SLC38A7: variants seen among roughly 807,000 people sequenced by gnomAD.
SLC38A7 encodes sodium-coupled neutral amino acid transporter 7.
Under a neutral mutation model 50.1 loss-of-function variants are expected in SLC38A7, and 29 were observed. The observed-to-expected ratio is 0.58, with a 90% CI of 0.43 to 0.79. SLC38A7 has a LOEUF of 0.79. Among genes scored for constraint, SLC38A7 ranks in the 30% least tolerant of loss-of-function variants. The pLI is 0.00. For synonymous variants in SLC38A7, 244 were observed against 245.9 expected (o/e 0.99, Z 0.07); for missense variants, 483 against 610.6 (o/e 0.79, Z 2.20).
At position 58,672,153 on chromosome 16, in the gene SLC38A7, C is replaced by T. The variant is rs749319510; in HGVS notation, c.974G>A (p.Arg325Gln). The T allele has an allele frequency of 7.7e-6, 12 of 1,564,046 alleles. No individual in the cohort carries two copies. The highest frequency in any genetic ancestry group is 2.4e-5 in the South Asian group (2 of 84,728). ...GAGCACGCTCAGGATGATGAAGGCTCGGGCAACGGCCACGGCCATGTCCTC... is the reference window on the plus strand; with the variant it reads ...GAGCACGCTCAGGATGATGAAGGCTTGGGCAACGGCCACGGCCATGTCCTC... Reference protein sequence around the residue: ...PSEDMAVAVARAFIILSVLTS... With the variant: ...PSEDMAVAVAQAFIILSVLTS... The change falls in exon 9 of 12, where the codon CGA becomes CAA. Residue 325 changes from arginine to glutamine, a missense_variant. Physicochemically the swap from Arg to Gln is conservative, Grantham distance 43. Transcript: ENST00000219320.
At chr16:58,672,997 G>A (rs114558432) in intron 8 of SLC38A7, among the ~76,000 whole-genome samples, 15,463 of 151,120 alleles carry the variant, frequency 0.1, 2,704 homozygotes, top group African/African-American at 0.36. Flanking sequence ...GCACGATCTC[G>A]GCTCAGTGCA....
At chr16:58,677,473 C>T (rs751447649) in intron 5 of SLC38A7, 49 bp from the exon 6 acceptor site, 2 of 1,528,884 alleles carry the variant, frequency 1.3e-6, no homozygotes, top group Non-Finnish European at 1.8e-6. Context: ...TGCCTCTTAT[C>T]TGATTCCACC....
At chr16:58,672,034 G>A (rs1597666509) in intron 9 of SLC38A7, 62 bp downstream of exon 9, 1 of 942,120 alleles carries the variant, frequency 1.1e-6, no homozygotes, top group Non-Finnish European at 1.4e-6. Flanking sequence ...CAAGGCCAAA[G>A]GACCATGTTG....
At position 58,677,347 on chromosome 16, in the gene SLC38A7, G is replaced by A; in HGVS notation, c.689C>T (p.Thr230Ile). The change falls in exon 6 of 12, where the codon ACC becomes ATC. Residue 230 changes from threonine to isoleucine, a missense_variant. By Grantham distance (89) the Thr-to-Ile change is moderately conservative. Coordinates refer to ENST00000219320, the MANE Select transcript of SLC38A7 (RefSeq NM_018231.3). ...TCACCTGGTCAGGATGTTCCCTGGG[G>A]TCATCTCTTTATCTGGCCAGATGTA... Reference protein sequence around the residue: ...IKYIWPDKEMTPGNILTRPAS... With the variant: ...IKYIWPDKEMIPGNILTRPAS... 6.2e-7 allele frequency: 1 copy of A among 1,614,000 alleles called. No individual in the cohort carries two copies. Among genetic ancestry groups the A allele is most frequent in the Non-Finnish European group, 8.5e-7 (1 of 1,179,946 alleles).
chr16:58,671,948 A>G, intron 9 of SLC38A7, 148 bp downstream of exon 9: 1 of 921,978 alleles, frequency 1.1e-6, no homozygotes, highest in African/African-American at 1.7e-5. Flanking sequence ...CTGGCCTGGG[A>G]TATGTAGGGA....
intron 9 of SLC38A7, 30 bp from the exon 10 acceptor site, chr16:58,671,274 C>T: frequency 1.2e-6 from 2 of 1,601,866 alleles, no homozygotes; most frequent in Non-Finnish European, 1.7e-6. Context: ...CTTAGAGGTG[C>T]CCCTGCTGCT....
intron 8 of SLC38A7, among the ~76,000 whole-genome samples, chr16:58,673,447 G>A (rs990400799): frequency 6.6e-6 from 1 of 151,972 alleles, no homozygotes; most frequent in African/African-American, 2.4e-5. Flanking sequence ...TGTTGGCCAG[G>A]CTGGTCTCGA....
At position 58,666,570 on chromosome 16, in the gene SLC38A7, C is replaced by T. The variant is rs1305413793; in HGVS notation, c.*815G>A. On this transcript the variant is annotated 3_prime_UTR_variant, in exon 12 of 12. Transcript: ENST00000219320. ...TTCTCCATCACCCACCCTGCGGCCT[C>T]TGAAAAGAGGGGCCCATCTCAGACA... 2 of 152,866 alleles carry T rather than the reference C, an allele frequency of 1.3e-5. No homozygotes were observed. The highest frequency in any genetic ancestry group is 2.9e-5 in the Non-Finnish European group (2 of 68,268). 9.5% of individuals were successfully genotyped at this position (152,866 alleles called of 1,614,324 possible).
Position 58,665,579 on chromosome 16 carries a change from G to A in SLC38A7, c.*1806C>T, listed in dbSNP as rs561187769. The A allele has an allele frequency of 8.1e-4, 123 of 152,642 alleles. No individual in the cohort carries two copies. Among genetic ancestry groups the A allele is most frequent in the Non-Finnish European group, 1.2e-3 (81 of 68,338 alleles). The allele number at this position is 152,642 out of a possible 1,614,324, so 9.5% of individuals were successfully genotyped here. ...GACTGCCCTGAGTGGCGGGCGGCTCGGCAGGGGGTCCCTCTCGTACCCTTT... is the reference window on the plus strand; with the variant it reads ...GACTGCCCTGAGTGGCGGGCGGCTCAGCAGGGGGTCCCTCTCGTACCCTTT... On this transcript the variant is annotated 3_prime_UTR_variant, in exon 12 of 12. Coordinates refer to ENST00000219320, the MANE Select transcript of SLC38A7 (RefSeq NM_018231.3).
chr16:58,677,373 C>A lies in SLC38A7; in HGVS notation c.663G>T (p.Lys221Asn). ...TWYVTAIVII[K>N]YIWPDKEMTP... ...TCATCTCTTTATCTGGCCAGATGTA[C>A]TTGATGATAACGATGGCTGTGACGT... is the stretch of plus-strand genomic sequence containing the variant. Residue 221 changes from lysine to asparagine, a missense_variant, in exon 6 of 12, where the codon AAG becomes AAT. By Grantham distance (94) the Lys-to-Asn change is moderately conservative. Transcript: ENST00000219320. 1 of 1,613,760 alleles carries A rather than the reference C, an allele frequency of 6.2e-7. No homozygotes were observed. Among genetic ancestry groups the A allele is most frequent in the Non-Finnish European group, 8.5e-7 (1 of 1,179,940 alleles).
At chr16:58,684,675 T>C (rs1490941286) in intron 1 of SLC38A7, 42 bp downstream of exon 1, 1 of 152,376 alleles carries the variant, frequency 6.6e-6, no homozygotes, top group Non-Finnish European at 1.5e-5. Context: ...ACCTCGGGGA[T>C]CTAACACTTC....
intron 2 of SLC38A7, among the ~76,000 whole-genome samples, chr16:58,683,249 C>T (rs2044429724): frequency 6.6e-6 from 1 of 152,202 alleles, no homozygotes; most frequent in African/African-American, 2.4e-5. Context: ...ACTGCCCTAA[C>T]CATTGGGCCA....
chr16:58,674,800 C>T (rs375338563), intron 8 of SLC38A7, among the ~76,000 whole-genome samples: 3 of 152,136 alleles, frequency 2.0e-5, no homozygotes, highest in East Asian at 3.9e-4. Flanking sequence ...CCAGGCAGCT[C>T]CTACGGTCTA....
rs1175035385 is a variant in SLC38A7, at chr16:58,665,618, G to C, written c.*1767C>G. ...CTCGTACCCTTTACAGAGGTTTTGG[G>C]GAAGAGGGGACAAGGAAATGCTAGG... is the stretch of plus-strand genomic sequence containing the variant. On this transcript the variant is annotated 3_prime_UTR_variant, in exon 12 of 12. Coordinates refer to ENST00000219320, the MANE Select transcript of SLC38A7 (RefSeq NM_018231.3). 3.9e-5 allele frequency: 6 copies of C among 152,388 alleles called. No homozygotes were observed. Among genetic ancestry groups the C allele is most frequent in the Non-Finnish European group, 1.5e-5 (1 of 68,210 alleles). 9.4% of individuals were successfully genotyped at this position (152,388 alleles called of 1,614,324 possible). A position where few individuals can be genotyped will look rare whatever the true frequency, so the allele number is the denominator to read the frequency against.
Position 58,670,167 on chromosome 16 carries a change from C to T in SLC38A7, c.1232G>A (p.Gly411Glu). Reference sequence around the variant, plus strand: ...GAGTTTGGCTTGAATGAGGCACAGCCCTGAAAGAGAAGAAGTGGCCCTGAG... The same window carrying T: ...GAGTTTGGCTTGAATGAGGCACAGCTCTGAAAGAGAAGAAGTGGCCCTGAG... The part of the protein sequence containing the change: ...LAACFIFVFP[G>E]LCLIQAKLSE... The change falls in exon 11 of 12, where the codon GGG (glycine) becomes GAG (glutamate). Residue 411 changes from glycine (G) to glutamate (E), a missense_variant and splice_region_variant. Physicochemically the swap from Gly to Glu is moderately conservative, Grantham distance 98. Transcript: ENST00000219320. 1 of 1,614,130 alleles carries T rather than the reference C, an allele frequency of 6.2e-7. No individual in the cohort carries two copies. Among genetic ancestry groups the T allele is most frequent in the Non-Finnish European group, 8.5e-7 (1 of 1,179,996 alleles).
chr16:58,670,237 T>C (rs2044134050), intron 10 of SLC38A7, 70 bp from the exon 11 acceptor site: 1 of 1,492,430 alleles, frequency 6.7e-7, no homozygotes, highest in Non-Finnish European at 9.3e-7. Context: ...CCACCTCCTT[T>C]CCCAAGAAGC....
At chr16:58,679,280 G>A (rs1016380730) in intron 3 of SLC38A7, among the ~76,000 whole-genome samples, 1 of 151,786 alleles carries the variant, frequency 6.6e-6, no homozygotes, top group East Asian at 1.9e-4. Context: ...TAATGCCAGC[G>A]ACTTGGGAGG....
rs755630403 is a variant in SLC38A7, at chr16:58,671,055, G to A, written c.1221C>T (p.Phe407=). 1.9e-6 allele frequency: 3 copies of A among 1,601,406 alleles called. No individual in the cohort carries two copies. Among genetic ancestry groups the A allele is most frequent in the South Asian group, 1.1e-5 (1 of 89,250 alleles). The change falls in exon 10 of 12, where the codon TTC becomes TTT. Residue 407 remains phenylalanine, a synonymous_variant. Coordinates refer to ENST00000219320, the MANE Select transcript of SLC38A7 (RefSeq NM_018231.3). ...VIGGLAACFI[F]VFPGLCLIQA... The stretch of plus-strand genomic sequence containing the variant: ...GCCAGGGGTCCGCACCTGGGAAGAC[G>A]AAGATGAAGCAGGCGGCCAGGCCTC...
At chr16:58,677,850 T>C (rs986114148) in intron 5 of SLC38A7, among the ~76,000 whole-genome samples, 2 of 152,106 alleles carry the variant, frequency 1.3e-5, no homozygotes, top group Admixed American at 6.5e-5. Context: ...TCAACATTTA[T>C]GGGAGCCTTG....
Sources: allele counts gnomAD v4.1 joint callset (sites outside exome capture counted in the v4.1 genomes callset), GRCh38; gene constraint gnomAD v4.1.1; transcripts MANE v1.5; gene names NCBI Gene and HGNC (gene_info 2026-07-23, HGNC 2026-07-21).